ZNF385B: variants seen among roughly 807,000 people sequenced by gnomAD.
ZNF385B encodes the protein zinc finger protein 385B.
Under a neutral mutation model 39.2 loss-of-function variants are expected in ZNF385B, and 23 were observed. The observed-to-expected ratio is 0.59, with a 90% CI of 0.42 to 0.83. ZNF385B has a LOEUF of 0.83. ZNF385B is among the 40% of genes least tolerant of loss of function. The probability of loss-of-function intolerance (pLI) is 0.00; values close to 1 mark genes in which losing one functional copy is unlikely to be tolerated. For missense variants in ZNF385B, 552 were observed against 598.9 expected, an observed-to-expected ratio of 0.92 and a Z score of 0.82; for synonymous variants, 205 against 222.6, an observed-to-expected ratio of 0.92 and a Z score of 0.70.
intron 1 of ZNF385B, among the ~76,000 whole-genome samples, chr2:179,772,900 T>G (rs368509061): frequency 2.0e-5 from 3 of 152,182 alleles, no homozygotes; most frequent in African/African-American, 7.2e-5. Context: ...TCTATGCTTT[T>G]TTTTGTATTA....
chr2:179,710,423 C>G (rs1217501279), intron 3 of ZNF385B, among the ~76,000 whole-genome samples: 2 of 152,164 alleles, frequency 1.3e-5, no homozygotes, highest in Non-Finnish European at 2.9e-5. Context: ...GGGCCTAGAA[C>G]AGAATATACA....
At chr2:179,473,122 C>G (rs1460949649) in intron 6 of ZNF385B, among the ~76,000 whole-genome samples, 3 of 152,048 alleles carry the variant, frequency 2.0e-5, no homozygotes, top group Non-Finnish European at 4.4e-5. Context: ...GACACATTAA[C>G]CAGTGGAAGG....
chr2:179,474,822 GA>G (rs527923378), intron 6 of ZNF385B, among the ~76,000 whole-genome samples: 9 of 151,746 alleles, frequency 5.9e-5, no homozygotes, highest in Non-Finnish European at 7.4e-5. Flanking sequence ...GAAAAGGAAG[GA>G]AAAAAAATCT....
intron 3 of ZNF385B, among the ~76,000 whole-genome samples, chr2:179,630,066 ACT>A (rs1461303677): frequency 6.6e-6 from 1 of 152,208 alleles, no homozygotes; most frequent in Non-Finnish European, 1.5e-5. Context: ...CTGCCTCTAG[ACT>A]CTGCCTCTGC....
intron 3 of ZNF385B, among the ~76,000 whole-genome samples, chr2:179,643,048 T>G (rs1037304906): frequency 7.2e-5 from 11 of 152,074 alleles, no homozygotes; most frequent in Admixed American, 6.6e-4. Context: ...AGACAAGCTA[T>G]GGTTATTAAG....
chr2:179,645,585 G>A (rs1692646760), intron 3 of ZNF385B, among the ~76,000 whole-genome samples: 2 of 152,158 alleles, frequency 1.3e-5, no homozygotes, highest in African/African-American at 4.8e-5. Context: ...CGAGCTTTAT[G>A]GTTCTCCCAA....
chr2:179,723,404 G>A (rs982834351), intron 3 of ZNF385B, among the ~76,000 whole-genome samples: 9 of 152,106 alleles, frequency 5.9e-5, no homozygotes, highest in African/African-American at 1.7e-4. Flanking sequence ...TAACCAAAAT[G>A]TGGATTATCA....
intron 1 of ZNF385B, among the ~76,000 whole-genome samples, chr2:179,832,671 G>A (rs540685910): frequency 6.6e-6 from 1 of 152,020 alleles, no homozygotes; most frequent in Admixed American, 6.6e-5. Context: ...TGATCTTCAG[G>A]CTAATGATTT....
intron 3 of ZNF385B, among the ~76,000 whole-genome samples, chr2:179,681,974 A>T (rs945018699): frequency 6.6e-6 from 1 of 152,224 alleles, no homozygotes; most frequent in Non-Finnish European, 1.5e-5. Flanking sequence ...TTATAATAGT[A>T]AAGATATAGC....
intron 1 of ZNF385B, among the ~76,000 whole-genome samples, chr2:179,821,015 C>A (rs1158774374): frequency 6.6e-6 from 1 of 152,124 alleles, no homozygotes; most frequent in Non-Finnish European, 1.5e-5. Flanking sequence ...CCTATCAAAA[C>A]TAATAAAATT....
chr2:179,627,816 T>C (rs546829379), intron 3 of ZNF385B, among the ~76,000 whole-genome samples: 75 of 152,118 alleles, frequency 4.9e-4, no homozygotes, highest in Non-Finnish European at 8.7e-4. Context: ...GTTTTTTTTT[T>C]CCAAAAACAA....
At chr2:179,571,328 T>A (rs577344657) in intron 3 of ZNF385B, among the ~76,000 whole-genome samples, 2 of 152,284 alleles carry the variant, frequency 1.3e-5, no homozygotes, top group Admixed American at 6.5e-5. Flanking sequence ...ATAATGACAG[T>A]GATTATGATG....
intron 5 of ZNF385B, among the ~76,000 whole-genome samples, chr2:179,489,684 G>GA (rs2054991629): frequency 6.6e-6 from 1 of 152,154 alleles, no homozygotes; most frequent in Non-Finnish European, 1.5e-5. Context: ...CACTCTCAGA[G>GA]ACAAAGCTAC....
At chr2:179,443,622 T>G (rs1378753021) in intron 9 of ZNF385B, among the ~76,000 whole-genome samples, 154 bp from the exon 10 acceptor site, 1 of 152,240 alleles carries the variant, frequency 6.6e-6, no homozygotes, top group Non-Finnish European at 1.5e-5. Context: ...ATTTTCACAA[T>G]GCTGGTTTCA....
At chr2:179,550,585 T>G (rs2060502448) in intron 3 of ZNF385B, among the ~76,000 whole-genome samples, 3 of 149,942 alleles carry the variant, frequency 2.0e-5, no homozygotes, top group Non-Finnish European at 4.4e-5. Context: ...TTTAAAGTAC[T>G]GGTAGATCTT....
chr2:179,629,466 A>G (rs1690985083), intron 3 of ZNF385B, among the ~76,000 whole-genome samples: 1 of 152,158 alleles, frequency 6.6e-6, no homozygotes, highest in African/African-American at 2.4e-5. Context: ...ATATGAATAG[A>G]GCATTGGGCA....
chr2:179,849,501 CA>C (rs1300173688), intron 1 of ZNF385B, among the ~76,000 whole-genome samples: 2 of 152,124 alleles, frequency 1.3e-5, no homozygotes, highest in African/African-American at 2.4e-5. Context: ...GATTTGTTGG[CA>C]TAATTCTTTC....
intron 3 of ZNF385B, among the ~76,000 whole-genome samples, chr2:179,633,504 C>T (rs890773095): frequency 2.0e-5 from 3 of 152,158 alleles, no homozygotes; most frequent in African/African-American, 7.2e-5. Context: ...ATTCAGCAGA[C>T]CTTCATGCTA....
At chr2:179,651,016 G>A (rs1240851312) in intron 3 of ZNF385B, among the ~76,000 whole-genome samples, 2 of 152,102 alleles carry the variant, frequency 1.3e-5, no homozygotes, top group African/African-American at 4.8e-5. Flanking sequence ...AGTCCCCTGT[G>A]CCGCTGGTAT....
Sources: gnomAD v4.1 joint callset for allele counts (sites outside exome capture counted in the v4.1 genomes callset) on GRCh38, gnomAD v4.1.1 for gene constraint, MANE v1.5 for transcripts, NCBI Gene and HGNC (gene_info 2026-07-23, HGNC 2026-07-21) for gene names.